Variants in VBP1 observed in about 807,000 individuals in gnomAD.
VBP1 encodes the protein prefoldin subunit 3.
VBP1 carries 4 observed loss-of-function variants against 15.5 expected under a neutral mutation model. The ratio of observed to expected loss-of-function variants is 0.26; its 90% CI spans 0.13 to 0.59. VBP1 has a LOEUF of 0.59. Ranked by LOEUF, VBP1 falls within the 20% of genes least tolerant of loss-of-function variation. VBP1 has a pLI of 0.90. For missense variants in VBP1, 108 were observed against 139.6 expected (o/e 0.77, Z 1.14); for synonymous variants, 61 against 52.1 (o/e 1.17, Z -0.74).
At chrX:155,216,168 G>C (rs1404347961), upstream of VBP1, among the ~76,000 whole-genome samples, 2 of 110,982 alleles carry the variant, frequency 1.8e-5, no homozygotes, top group East Asian at 2.8e-4. Flanking sequence ...GTCAGGCTAG[G>C]TCCCTATTCC....
chrX:155,203,273 G>A lies in VBP1; in HGVS notation c.-30-5601G>A, dbSNP rs782174551. On this transcript the variant is annotated intron_variant, in intron 1 of 6. Coordinates refer to the VBP1 transcript ENST00000535916. ...TCCCATTACTGGGTATATACCCAAA[G>A]GACTATAAGTCATGCTGCTATAAAG... Among the ~76,000 whole-genome samples the A allele has an allele frequency of 2.1e-4, 23 of 111,202 alleles. No individual in the cohort carries two copies. The East Asian group carries it at 5.1e-3, about 25-fold the overall frequency.
chrX:155,215,991 T>A (rs1177537946), upstream of VBP1, among the ~76,000 whole-genome samples: 1 of 111,120 alleles, frequency 9.0e-6, no homozygotes, highest in Non-Finnish European at 1.9e-5. Context: ...CAAAGTAAGT[T>A]CCCTTCAAGG....
At chrX:155,203,915 G>T (rs1280828398) in intron 1 of VBP1, among the ~76,000 whole-genome samples, 2 of 111,744 alleles carry the variant, frequency 1.8e-5, no homozygotes, top group Admixed American at 9.5e-5. Context: ...ACGGTGGAAA[G>T]ACTATATCAC....
chrX:155,220,647 A>G (rs1162264805), intron 2 of VBP1, among the ~76,000 whole-genome samples: 1 of 112,063 alleles, frequency 8.9e-6, no homozygotes, highest in African/African-American at 3.2e-5. Context: ...TCTGGGCATA[A>G]GACTTAATTA....
At chrX:155,198,546 G>A (rs1035135737) in intron 1 of VBP1, among the ~76,000 whole-genome samples, 4 of 111,496 alleles carry the variant, frequency 3.6e-5, no homozygotes, top group East Asian at 2.8e-4. Flanking sequence ...GCAGCTGAGG[G>A]TCCTGTCTGT....
chrX:155,224,126 C>T (rs181875459), intron 2 of VBP1, among the ~76,000 whole-genome samples: 2,700 of 109,710 alleles, frequency 0.025, 42 homozygotes, highest in South Asian at 0.039. Context: ...GAGTGGGCGG[C>T]CGGGCAGAGG....
At chrX:155,236,117 CA>C in intron 4 of VBP1, 111 bp from the exon 5 acceptor site, 1 of 873,802 alleles carries the variant, frequency 1.1e-6, no homozygotes. Flanking sequence ...TAACTTACAA[CA>C]AAAGGCAGCA....
chrX:155,216,353 G>C, upstream of VBP1: 2 of 1,109,430 alleles, frequency 1.8e-6, no homozygotes, highest in Non-Finnish European at 2.4e-6. Context: ...GGGGACTTGT[G>C]GGGGACGCTC....
chrX:155,226,974 T>G (rs1048959706), intron 2 of VBP1, among the ~76,000 whole-genome samples: 4 of 110,954 alleles, frequency 3.6e-5, no homozygotes, highest in Admixed American at 9.6e-5. Context: ...ATCTTAAATA[T>G]TTTTATTAAG....
chrX:155,229,894 C>T (rs1257444938), intron 4 of VBP1, among the ~76,000 whole-genome samples: 6 of 111,898 alleles, frequency 5.4e-5, no homozygotes, highest in African/African-American at 1.6e-4. Flanking sequence ...CAGCAAACCC[C>T]ACTGGTTCCT....
At position 155,220,177 on chromosome X, in the gene VBP1, T is replaced by C. The variant is rs1557309432; in HGVS notation, c.94-6T>C. ...AATTTGTAAAGTATTATTTTTGATA[T>C]TAAAGGAAGATGTAGATTCCTTCAT... On this transcript the variant is annotated splice_polypyrimidine_tract_variant and splice_region_variant and intron_variant, in intron 1 of 5. Coordinates refer to ENST00000286428, the MANE Select transcript of VBP1 (RefSeq NM_003372.7). The C allele has an allele frequency of 8.4e-7, 1 of 1,193,594 alleles. No homozygotes were observed. The highest frequency in any genetic ancestry group is 1.9e-5 in the South Asian group (1 of 53,537).
At chrX:155,217,032 G>A (rs1442178000) in intron 1 of VBP1, among the ~76,000 whole-genome samples, 1 of 112,514 alleles carries the variant, frequency 8.9e-6, no homozygotes. Flanking sequence ...GGAATGCAGT[G>A]GTCTCGGGAA....
intron 1 of VBP1, among the ~76,000 whole-genome samples, chrX:155,202,141 C>T (rs2074606979): frequency 8.9e-6 from 1 of 111,931 alleles, no homozygotes; most frequent in South Asian, 3.7e-4. Flanking sequence ...ACATTCCATG[C>T]TCATGGGTAG....
At chrX:155,220,678 C>T (rs1263474544) in intron 2 of VBP1, among the ~76,000 whole-genome samples, 3 of 111,927 alleles carry the variant, frequency 2.7e-5, no homozygotes, top group African/African-American at 9.8e-5. Context: ...CCCAAGATTT[C>T]ATAACTAATA....
At chrX:155,223,344 C>T (rs782305400) in intron 2 of VBP1, among the ~76,000 whole-genome samples, 11 of 107,685 alleles carry the variant, frequency 1.0e-4, no homozygotes, top group African/African-American at 2.0e-4. Flanking sequence ...AGGGCCCTGC[C>T]GCCTTCCGCA....
At chrX:155,213,214 G>T (rs1391406654), upstream of VBP1, among the ~76,000 whole-genome samples, 1 of 111,834 alleles carries the variant, frequency 8.9e-6, no homozygotes, top group Non-Finnish European at 1.9e-5. Flanking sequence ...GAATCAGAAG[G>T]TCGAGCAGAG....
intron 1 of VBP1, among the ~76,000 whole-genome samples, chrX:155,203,747 C>T (rs1443733395): frequency 9.1e-6 from 1 of 110,331 alleles, no homozygotes; most frequent in Non-Finnish European, 1.9e-5. Context: ...TACCCTAAAA[C>T]TTAAAGTATA....
intron 1 of VBP1, among the ~76,000 whole-genome samples, chrX:155,216,781 TAGAAG>T (rs2074666849): frequency 9.0e-6 from 1 of 111,279 alleles, no homozygotes; most frequent in Admixed American, 9.4e-5. Context: ...GAGAAGGCCG[TAGAAG>T]AGAACGGGGT....
chrX:155,222,953 C>T, intron 2 of VBP1, among the ~76,000 whole-genome samples: 1 of 111,024 alleles, frequency 9.0e-6, no homozygotes, highest in Non-Finnish European at 1.9e-5. Context: ...AGCAATTCTT[C>T]CATCTCAGCC....
Sources: gnomAD v4.1 joint callset for allele counts (sites outside exome capture counted in the v4.1 genomes callset) on GRCh38, gnomAD v4.1.1 for gene constraint, MANE v1.5 for transcripts, NCBI Gene and HGNC (gene_info 2026-07-23, HGNC 2026-07-21) for gene names.